GUCY1A2: variants seen among roughly 807,000 people sequenced by gnomAD.
The protein encoded by GUCY1A2 is guanylate cyclase soluble subunit alpha-2.
In GUCY1A2, 27 loss-of-function variants were observed where a neutral mutation model predicts 63.5. That is an observed-to-expected ratio of 0.43 (90% CI 0.31 to 0.59). The LOEUF (loss-of-function observed/expected upper bound fraction) is 0.59, where lower values mean the gene tolerates loss of function less well. GUCY1A2 is among the 20% of genes least tolerant of loss of function. GUCY1A2 has a pLI of 0.11. For missense variants in GUCY1A2, 768 were observed against 913.3 expected (o/e 0.84, Z 2.05); for synonymous variants, 364 against 343.5 (o/e 1.06, Z -0.66).
chr11:106,829,523 G>C (rs1410919630), intron 4 of GUCY1A2, among the ~76,000 whole-genome samples: 1 of 152,188 alleles, frequency 6.6e-6, no homozygotes, highest in Non-Finnish European at 1.5e-5. Flanking sequence ...AACAGGATCA[G>C]GATGAATATG....
At chr11:106,824,267 G>A (rs971044295) in intron 4 of GUCY1A2, 15 of 632,156 alleles carry the variant, frequency 2.4e-5, no homozygotes, top group Non-Finnish European at 3.0e-5. Context: ...TATTCCCCTA[G>A]GTCCAGTTGA....
chr11:106,763,711 T>C (rs550564543), intron 6 of GUCY1A2, among the ~76,000 whole-genome samples: 54 of 152,190 alleles, frequency 3.5e-4, no homozygotes, highest in Admixed American at 3.5e-3. Context: ...AAAAGCAGAT[T>C]AGTATTTGGC....
intron 5 of GUCY1A2, among the ~76,000 whole-genome samples, chr11:106,785,582 A>G (rs1002756821): frequency 6.6e-6 from 1 of 151,868 alleles, no homozygotes; most frequent in Non-Finnish European, 1.5e-5. Flanking sequence ...TGCCCATAAG[A>G]GTTCTATTAA....
chr11:106,765,728 A>T (rs1864151188), intron 6 of GUCY1A2, among the ~76,000 whole-genome samples: 1 of 151,828 alleles, frequency 6.6e-6, no homozygotes, highest in South Asian at 2.1e-4. Context: ...CATCAAAATT[A>T]CTCTGTTTCT....
At chr11:106,949,842 C>A (rs748702728) in intron 3 of GUCY1A2, among the ~76,000 whole-genome samples, 2 of 152,140 alleles carry the variant, frequency 1.3e-5, no homozygotes, top group East Asian at 1.9e-4. Context: ...ACTATAGTAA[C>A]CCTAATCTTT....
intron 6 of GUCY1A2, among the ~76,000 whole-genome samples, chr11:106,719,599 A>G (rs1264900456): frequency 6.6e-6 from 1 of 152,212 alleles, no homozygotes. Context: ...TAAATAGCAT[A>G]GCTAAGTTTA....
intron 2 of GUCY1A2, among the ~76,000 whole-genome samples, chr11:106,981,966 A>C (rs935664554): frequency 6.6e-6 from 1 of 152,198 alleles, no homozygotes; most frequent in Non-Finnish European, 1.5e-5. Context: ...AATTCAATTC[A>C]TTTATTGATT....
intron 4 of GUCY1A2, among the ~76,000 whole-genome samples, chr11:106,915,962 CT>C (rs1161257111): frequency 1.4e-5 from 2 of 141,028 alleles, no homozygotes; most frequent in Admixed American, 1.4e-4. Flanking sequence ...GCCACTCTCA[CT>C]GTAAAGAAAA....
At chr11:106,700,537 G>A (rs1282511293) in intron 7 of GUCY1A2, among the ~76,000 whole-genome samples, 4 of 152,130 alleles carry the variant, frequency 2.6e-5, no homozygotes, top group Non-Finnish European at 5.9e-5. Context: ...TAATATTAAT[G>A]TTGCTGTTTG....
At position 106,681,730 on chromosome 11, in the gene GUCY1A2, T is replaced by C. The variant is rs1266538572; in HGVS notation, c.*5819A>G. ...TATATTATTGCTTGTATAAAACATG[T>C]TTCTGTTTTCACAAAGGCTCTATGA... On this transcript the variant is annotated 3_prime_UTR_variant, in exon 8 of 8. Transcript: ENST00000526355. 9.1e-6 allele frequency: 2 copies of C among 219,634 alleles called. No homozygotes were observed. Among genetic ancestry groups the C allele is most frequent in the Non-Finnish European group, 1.8e-5 (2 of 109,554 alleles). The allele number at this position is 219,634 out of a possible 1,614,324, so 13.6% of individuals were successfully genotyped here.
intron 7 of GUCY1A2, among the ~76,000 whole-genome samples, chr11:106,691,338 G>C (rs1862621100): frequency 6.6e-6 from 1 of 152,156 alleles, no homozygotes; most frequent in Admixed American, 6.5e-5. Flanking sequence ...TGATGACTAT[G>C]GATTTAAGTA....
chr11:106,888,985 C>T (rs1055409464), intron 4 of GUCY1A2, among the ~76,000 whole-genome samples: 10 of 151,486 alleles, frequency 6.6e-5, no homozygotes, highest in Admixed American at 1.3e-4. Flanking sequence ...TAGGTTAATC[C>T]GGTATTCTCT....
At chr11:106,797,047 T>C (rs955701807) in intron 5 of GUCY1A2, among the ~76,000 whole-genome samples, 1 of 152,150 alleles carries the variant, frequency 6.6e-6, no homozygotes, top group Non-Finnish European at 1.5e-5. Context: ...ACTGATACCC[T>C]TTCTTCCAGT....
chr11:107,016,817 A>G (rs1384635134), intron 1 of GUCY1A2, among the ~76,000 whole-genome samples: 1 of 152,130 alleles, frequency 6.6e-6, no homozygotes, highest in East Asian at 1.9e-4. Flanking sequence ...AGAGGTTTAA[A>G]TAGCTAATGT....
intron 6 of GUCY1A2, among the ~76,000 whole-genome samples, chr11:106,728,753 A>C (rs1471251131): frequency 1.3e-5 from 2 of 152,158 alleles, no homozygotes; most frequent in Admixed American, 6.6e-5. Context: ...ATCTGTTTGC[A>C]TATTTGCAAC....
intron 5 of GUCY1A2, among the ~76,000 whole-genome samples, chr11:106,809,372 A>T (rs1276622236): frequency 1.3e-5 from 2 of 152,158 alleles, no homozygotes; most frequent in East Asian, 3.8e-4. Context: ...CTTAGTAAGA[A>T]ATTAATAAGG....
At position 106,687,119 on chromosome 11, in the gene GUCY1A2, A is replaced by G. The variant is rs1350370244; in HGVS notation, c.*430T>C. 6 of 230,790 alleles carry G rather than the reference A, an allele frequency of 2.6e-5. No homozygotes were observed. The highest frequency in any genetic ancestry group is 1.3e-3 in the Middle Eastern group (1 of 744). 14.3% of individuals were successfully genotyped at this position (230,790 alleles called of 1,614,324 possible). On this transcript the variant is annotated 3_prime_UTR_variant, in exon 8 of 8. Coordinates refer to ENST00000526355, the MANE Select transcript of GUCY1A2 (RefSeq NM_000855.3). ...ACATGTATGAAATGTCTGTTCAGAA[A>G]AAGAAACTTAGAAAATATTCCTCAC... is the stretch of plus-strand genomic sequence containing the variant.
At chr11:106,712,035 G>T (rs1863129353) in intron 6 of GUCY1A2, among the ~76,000 whole-genome samples, 1 of 151,154 alleles carries the variant, frequency 6.6e-6, no homozygotes. Context: ...TTGTGTTTTG[G>T]GTTTGTTGAG....
Position 106,929,508 on chromosome 11 carries a change from CAG to C in GUCY1A2, c.1206+9950_1206+9951del, listed in dbSNP as rs201148831. ...AACCATATCTGCTATGAAAAGAAAA[CAG>C]AATCAAAGTTTTTTTTCACAATAGC... On this transcript the variant is annotated intron_variant, in intron 4 of 7. Coordinates refer to ENST00000526355, the MANE Select transcript of GUCY1A2 (RefSeq NM_000855.3). Among the ~76,000 whole-genome samples the C allele has an allele frequency of 1.5e-3, 230 of 152,222 alleles. 6 individuals carry two copies. The East Asian group carries it at 0.038, about 25-fold the overall frequency.
Sources: allele counts gnomAD v4.1 joint callset (sites outside exome capture counted in the v4.1 genomes callset), GRCh38; gene constraint gnomAD v4.1.1; transcripts MANE v1.5; gene names NCBI Gene and HGNC (gene_info 2026-07-23, HGNC 2026-07-21).